The following DMRT1 variants were observed in gnomAD, a reference collection of about 807,000 sequenced individuals.
The protein encoded by DMRT1 is doublesex- and mab-3-related transcription factor 1.
In DMRT1, 7 loss-of-function variants were observed where a neutral mutation model predicts 32.3. The observed-to-expected ratio is 0.22, with a 90% CI of 0.12 to 0.41. The LOEUF is 0.41. Among genes scored for constraint, DMRT1 ranks in the 10% least tolerant of loss-of-function variants. The probability of loss-of-function intolerance (pLI) is 1.00; values close to 1 mark genes in which losing one functional copy is unlikely to be tolerated. For missense variants in DMRT1, 625 were observed against 500.5 expected, an observed-to-expected ratio of 1.25 and a Z score of -2.37; for synonymous variants, 278 against 206.1, an observed-to-expected ratio of 1.35 and a Z score of -2.99.
chr9:911,909 T>C (rs980956404), intron 3 of DMRT1, among the ~76,000 whole-genome samples: 1 of 152,212 alleles, frequency 6.6e-6, no homozygotes, highest in African/African-American at 2.4e-5. Context: ...TGTGGATTCT[T>C]TGAGGTGGAT....
At chr9:962,925 G>A (rs1017047575) in intron 4 of DMRT1, among the ~76,000 whole-genome samples, 1 of 152,086 alleles carries the variant, frequency 6.6e-6, no homozygotes, top group Non-Finnish European at 1.5e-5. Context: ...CCCAACCTCT[G>A]ACATGCTGTA....
At chr9:898,039 T>A (rs1817438670) in intron 3 of DMRT1, among the ~76,000 whole-genome samples, 1 of 150,770 alleles carries the variant, frequency 6.6e-6, no homozygotes. Context: ...CTACAAATAA[T>A]ACCTTTAGCT....
intron 3 of DMRT1, among the ~76,000 whole-genome samples, chr9:897,894 A>G (rs1385601492): frequency 6.6e-6 from 1 of 152,180 alleles, no homozygotes; most frequent in Admixed American, 6.5e-5. Context: ...GTATGGATTG[A>G]TTTCTGTATC....
chr9:915,342 C>A (rs1426567690), intron 3 of DMRT1, among the ~76,000 whole-genome samples: 1 of 152,074 alleles, frequency 6.6e-6, no homozygotes, highest in Admixed American at 6.5e-5. Context: ...GGAGGGGGGG[C>A]CCTTTCTAAG....
At chr9:910,688 G>A (rs1817942122) in intron 3 of DMRT1, among the ~76,000 whole-genome samples, 1 of 151,964 alleles carries the variant, frequency 6.6e-6, no homozygotes, top group Non-Finnish European at 1.5e-5. Flanking sequence ...CAAGGTCTTG[G>A]GTTGCCTGCA....
chr9:843,314 G>A (rs1220990061), intron 1 of DMRT1, among the ~76,000 whole-genome samples: 2 of 152,244 alleles, frequency 1.3e-5, no homozygotes, highest in Non-Finnish European at 2.9e-5. Context: ...CGGTTTCCCT[G>A]CGCGCCTGGG....
At chr9:894,450 A>T in intron 3 of DMRT1, 1 of 561,214 alleles carries the variant, frequency 1.8e-6, no homozygotes. Context: ...AAGGAATTGG[A>T]AAGAAATAAT....
chr9:892,278 T>C (rs1817182148), intron 2 of DMRT1, among the ~76,000 whole-genome samples: 1 of 152,148 alleles, frequency 6.6e-6, no homozygotes, highest in African/African-American at 2.4e-5. Flanking sequence ...GGCTCTCCTT[T>C]ATTCTGTAAC....
At chr9:863,682 A>C (rs140971264) in intron 2 of DMRT1, among the ~76,000 whole-genome samples, 224 of 152,350 alleles carry the variant, frequency 1.5e-3, no homozygotes, top group Middle Eastern at 3.4e-3. Flanking sequence ...TTTCGGACCC[A>C]CAGAACTCTA....
rs867964563 is a variant in DMRT1 at position 871,563 on chromosome 9, G to T, written c.539-22349G>T. On this transcript the variant is annotated intron_variant, in intron 2 of 4. Transcript: ENST00000382276. ...TCACCGTGTTAGCCAGGATGGTCTC[G>T]ATCTCCTGACCTCGTGATCCGCCCG... Among the ~76,000 whole-genome samples, 14 of 117,852 alleles carry T rather than the reference G, an allele frequency of 1.2e-4. No homozygotes were observed. The South Asian group carries it at 3.7e-3, about 31-fold the overall frequency. 77.3% of individuals were successfully genotyped at this position (117,852 alleles called of 152,430 possible).
intron 1 of DMRT1, among the ~76,000 whole-genome samples, chr9:846,010 A>T (rs1261788146): frequency 6.8e-6 from 1 of 146,596 alleles, no homozygotes; most frequent in African/African-American, 2.5e-5. Flanking sequence ...TTGTAGTTGC[A>T]TGTTTGCCTC....
intron 4 of DMRT1, among the ~76,000 whole-genome samples, chr9:927,389 T>C (rs1818562989): frequency 6.6e-6 from 1 of 152,266 alleles, no homozygotes; most frequent in Non-Finnish European, 1.5e-5. Flanking sequence ...TACACCTCGC[T>C]GCAATGTTTA....
chr9:943,864 A>T (rs1819156936), intron 4 of DMRT1, among the ~76,000 whole-genome samples: 1 of 152,240 alleles, frequency 6.6e-6, no homozygotes, highest in Non-Finnish European at 1.5e-5. Context: ...TAAAGAAAAG[A>T]TGAGTTTAAA....
chr9:845,860 ATTC>A (rs915964482), intron 1 of DMRT1, among the ~76,000 whole-genome samples: 2 of 151,934 alleles, frequency 1.3e-5, no homozygotes, highest in Admixed American at 1.3e-4. Flanking sequence ...TCCTCATCCT[ATTC>A]TTCAAGGCTC....
At chr9:954,379 G>A (rs1416253161) in intron 4 of DMRT1, among the ~76,000 whole-genome samples, 1 of 152,004 alleles carries the variant, frequency 6.6e-6, no homozygotes, top group Non-Finnish European at 1.5e-5. Context: ...ATTTAGATGA[G>A]GCTGTGGTAG....
At chr9:939,708 G>A (rs1818999443) in intron 4 of DMRT1, among the ~76,000 whole-genome samples, 1 of 152,132 alleles carries the variant, frequency 6.6e-6, no homozygotes, top group Admixed American at 6.5e-5. Context: ...CTCACGGGGG[G>A]AAAAGTCAAA....
rs146004291 is a variant in DMRT1, at chr9:902,325, AC to A, written c.822+8135del. Among the ~76,000 whole-genome samples, 493 of 149,344 alleles carry A rather than the reference AC, an allele frequency of 3.3e-3. 5 individuals carry two copies. The highest frequency in any genetic ancestry group is 0.011 in the African/African-American group (468 of 40,826). Reference sequence around the variant, plus strand: ...CCGTTGTCTCTCGCCTCCTTCCTACACCCCCTCCTCCTCCACCTTTCTTTTT... The same window carrying A: ...CCGTTGTCTCTCGCCTCCTTCCTACACCCCTCCTCCTCCACCTTTCTTTTT... On this transcript the variant is annotated intron_variant, in intron 3 of 4. Transcript: ENST00000382276.
chr9:877,637 T>C (rs529032898), intron 2 of DMRT1, among the ~76,000 whole-genome samples: 38 of 152,356 alleles, frequency 2.5e-4, no homozygotes, highest in Admixed American at 7.2e-4. Flanking sequence ...AAATATGGAA[T>C]TGTATATATT....
intron 1 of DMRT1, among the ~76,000 whole-genome samples, chr9:846,127 G>C (rs1157229222): frequency 6.6e-6 from 1 of 151,530 alleles, no homozygotes; most frequent in Non-Finnish European, 1.5e-5. Context: ...TGCCTCCTGG[G>C]TTCAAGCAAT....
Sources: allele counts gnomAD v4.1 joint callset (sites outside exome capture counted in the v4.1 genomes callset), GRCh38; gene constraint gnomAD v4.1.1; transcripts MANE v1.5; gene names NCBI Gene and HGNC (gene_info 2026-07-23, HGNC 2026-07-21).